VPS4A: variants seen among roughly 807,000 people sequenced by gnomAD.
The protein encoded by VPS4A is vacuolar protein sorting 4 homolog A.
Under a neutral mutation model 52.3 loss-of-function variants are expected in VPS4A, and 20 were observed. The ratio of observed to expected loss-of-function variants is 0.38; its 90% CI spans 0.27 to 0.56. VPS4A has a LOEUF of 0.56. VPS4A is among the 20% of genes least tolerant of loss of function. VPS4A has a pLI of 0.72. For synonymous variants in VPS4A, 293 were observed against 227.7 expected (o/e 1.29, Z -2.58); for missense variants, 419 against 575.9 (o/e 0.73, Z 2.79).
Position 69,320,660 on chromosome 16 carries a change from C to T in VPS4A, c.770-28C>T. 1 of 1,574,556 alleles carries T rather than the reference C, an allele frequency of 6.4e-7. No homozygotes were observed. The highest frequency in any genetic ancestry group is 8.6e-7 in the Non-Finnish European group (1 of 1,158,776). ...ACTGACCCGTGCAGGTGTCCAGAGT[C>T]TGAGTCTTTGTCTCCCTTTCTCCAC... On this transcript the variant is annotated intron_variant, in intron 7 of 10. Transcript: ENST00000254950. The surrounding 1 kb of genome is among the most constrained non-coding windows in gnomAD (Gnocchi z 4.2).
rs1471116892 is a variant in VPS4A, at chr16:69,324,468, C to T, written c.*159C>T. 1.3e-6 allele frequency: 1 copy of T among 741,702 alleles called. No homozygotes were observed. The highest frequency in any genetic ancestry group is 2.2e-6 in the Non-Finnish European group (1 of 445,774). 45.9% of individuals were successfully genotyped at this position (741,702 alleles called of 1,614,324 possible). On this transcript the variant is annotated 3_prime_UTR_variant, in exon 11 of 11. Transcript: ENST00000254950. ...TCTGCCAGGGAGCCAGAAGGAAGGGCCTTGCAGCCACAGAGACACTCCACT... is the reference window on the plus strand; with the variant it reads ...TCTGCCAGGGAGCCAGAAGGAAGGGTCTTGCAGCCACAGAGACACTCCACT...
At position 69,324,360 on chromosome 16, in the gene VPS4A, T is replaced by G. The variant is rs868855113; in HGVS notation, c.*51T>G. 12 of 1,556,698 alleles carry G rather than the reference T, an allele frequency of 7.7e-6. No homozygotes were observed. The highest frequency in any genetic ancestry group is 3.4e-4 in the Middle Eastern group (2 of 5,944). ...AAGGTGGGAGGTTGATTGGGGCAAATCCAGGCACTCCCCATGTCAACAGCC... is the reference window on the plus strand; with the variant it reads ...AAGGTGGGAGGTTGATTGGGGCAAAGCCAGGCACTCCCCATGTCAACAGCC... On this transcript the variant is annotated 3_prime_UTR_variant, in exon 11 of 11. Transcript: ENST00000254950.
At chr16:69,323,679 G>A (rs904263167) in intron 10 of VPS4A, 16 of 455,212 alleles carry the variant, frequency 3.5e-5, no homozygotes, top group African/African-American at 8.0e-5. Context: ...GCCGGGCGCC[G>A]TGGCTCCCGC....
In VPS4A at chr16:69,320,043, C is replaced by A; in HGVS notation, c.621-98C>A. On this transcript the variant is annotated intron_variant, in intron 6 of 10. Transcript: ENST00000254950. This position sits in a 1 kb window ranked among gnomAD's most constrained non-coding sequence, Gnocchi z 4.2. ...GCAATTCCGGCATGACCGTGGCCTG[C>A]GCCTCCCTGTGGGAAGGGTGAGAAG... is the stretch of plus-strand genomic sequence containing the variant. 2.1e-6 allele frequency: 3 copies of A among 1,458,728 alleles called. No homozygotes were observed. The highest frequency in any genetic ancestry group is 2.8e-6 in the Non-Finnish European group (3 of 1,085,842). 90.4% of individuals were successfully genotyped at this position (1,458,728 alleles called of 1,614,324 possible). A position where few individuals can be genotyped will look rare whatever the true frequency, so the allele number is the denominator to read the frequency against.
Position 69,311,491 on chromosome 16 carries a change from G to T in VPS4A, c.-21G>T. On this transcript the variant is annotated 5_prime_UTR_variant, in exon 1 of 11. Coordinates refer to ENST00000254950, the MANE Select transcript of VPS4A (RefSeq NM_013245.3). ...GGCCGCAAGCAGCGCCGCGGGGTGTGGGGCGGACCCAGGAGATGAAATGAC... is the reference window on the plus strand; with the variant it reads ...GGCCGCAAGCAGCGCCGCGGGGTGTTGGGCGGACCCAGGAGATGAAATGAC... The T allele has an allele frequency of 7.4e-7, 1 of 1,343,428 alleles. No homozygotes were observed. The highest frequency in any genetic ancestry group is 9.7e-7 in the Non-Finnish European group (1 of 1,034,200). 83.2% of individuals were successfully genotyped at this position (1,343,428 alleles called of 1,614,324 possible). A position where few individuals can be genotyped will look rare whatever the true frequency, so the allele number is the denominator to read the frequency against.
At chr16:69,318,988 T>C in intron 5 of VPS4A, 46 bp downstream of exon 5, 2 of 1,596,762 alleles carry the variant, frequency 1.3e-6, no homozygotes, top group Non-Finnish European at 1.7e-6. Flanking sequence ...ATTCCAGGCT[T>C]CCGCAGGGCT....
intron 10 of VPS4A, among the ~76,000 whole-genome samples, 192 bp from the exon 11 acceptor site, chr16:69,324,016 G>C (rs1165248753): frequency 1.3e-5 from 2 of 151,272 alleles, no homozygotes; most frequent in African/African-American, 4.9e-5. Context: ...TAGATTCTCA[G>C]ACCAGGAGGA....
intron 1 of VPS4A, among the ~76,000 whole-genome samples, chr16:69,315,633 G>T (rs1332923668): frequency 6.6e-6 from 1 of 152,146 alleles, no homozygotes; most frequent in Non-Finnish European, 1.5e-5. Context: ...GCAGTCACTT[G>T]CTCCCGCGTG....
chr16:69,318,023 T>TCC (rs1390859458), intron 3 of VPS4A, among the ~76,000 whole-genome samples: 2 of 94,890 alleles, frequency 2.1e-5, no homozygotes, highest in African/African-American at 4.3e-5. Flanking sequence ...TTTTTTTTTT[T>TCC]CCCCCAGACA....
chr16:69,320,672 C>G lies in VPS4A; in HGVS notation c.770-16C>G. ...AGGTGTCCAGAGTCTGAGTCTTTGT[C>G]TCCCTTTCTCCACAGGGGTGGGGAA... On this transcript the variant is annotated splice_polypyrimidine_tract_variant and intron_variant, in intron 7 of 10. Transcript: ENST00000254950. The surrounding 1 kb of genome is among the most constrained non-coding windows in gnomAD (Gnocchi z 4.2). 6.3e-6 allele frequency: 10 copies of G among 1,588,962 alleles called. No individual in the cohort carries two copies. Among genetic ancestry groups the G allele is most frequent in the Non-Finnish European group, 8.6e-6 (10 of 1,167,340 alleles).
At chr16:69,319,667 G>T in intron 6 of VPS4A, 124 bp downstream of exon 6, 1 of 1,294,724 alleles carries the variant, frequency 7.7e-7, no homozygotes. Flanking sequence ...CCCAAGAGCA[G>T]TGTGTCGCTA....
chr16:69,311,975 A>G (rs1460993339), intron 1 of VPS4A, among the ~76,000 whole-genome samples: 1 of 151,956 alleles, frequency 6.6e-6, no homozygotes, highest in East Asian at 1.9e-4. Flanking sequence ...CCCTTCCCCA[A>G]TCTTCGACTT....
intron 3 of VPS4A, 101 bp downstream of exon 3, chr16:69,316,473 C>G: frequency 6.7e-7 from 1 of 1,494,222 alleles, no homozygotes; most frequent in Non-Finnish European, 9.1e-7. Flanking sequence ...GGGAATGGTC[C>G]TCATAGTGCA....
At chr16:69,319,080 C>A in intron 5 of VPS4A, 138 bp downstream of exon 5, 1 of 1,293,758 alleles carries the variant, frequency 7.7e-7, no homozygotes, top group South Asian at 1.4e-5. Context: ...TCGCTGGTGT[C>A]CACAACACTG....
intron 3 of VPS4A, among the ~76,000 whole-genome samples, chr16:69,317,147 G>A (rs779640462): frequency 6.6e-6 from 1 of 152,196 alleles, no homozygotes; most frequent in Non-Finnish European, 1.5e-5. Context: ...CAGAGGGAGA[G>A]GTCTGGCGAG....
chr16:69,312,151 C>T (rs1965384999), intron 1 of VPS4A, among the ~76,000 whole-genome samples: 1 of 151,956 alleles, frequency 6.6e-6, no homozygotes, highest in Admixed American at 6.6e-5. Flanking sequence ...TGAATCTCAG[C>T]TCTGCCACTC....
chr16:69,318,213 TCCTCCCGCCTCAG>T (rs1261687904), intron 3 of VPS4A, among the ~76,000 whole-genome samples: 1 of 152,080 alleles, frequency 6.6e-6, no homozygotes, highest in East Asian at 1.9e-4. Flanking sequence ...GCTCAAGCGA[TCCTCCCGCCTCAG>T]CCTCCCAGAG....
chr16:69,326,918 T>C lies in VPS4A; in HGVS notation c.*2609T>C, dbSNP rs539460151. 6.6e-6 allele frequency: 1 copy of C among 152,250 alleles called. No homozygotes were observed. Among genetic ancestry groups the C allele is most frequent in the South Asian group, 2.1e-4 (1 of 4,826 alleles). 9.4% of individuals were successfully genotyped at this position (152,250 alleles called of 1,614,324 possible). On this transcript the variant is annotated 3_prime_UTR_variant, in exon 11 of 11. Coordinates refer to ENST00000254950, the MANE Select transcript of VPS4A (RefSeq NM_013245.3). ...GGGAGAGATTTTACTGGAAATGCAATAAAGTTTGCATTTTATTGCTACCGA... is the reference window on the plus strand; with the variant it reads ...GGGAGAGATTTTACTGGAAATGCAACAAAGTTTGCATTTTATTGCTACCGA...
At position 69,320,530 on chromosome 16, in the gene VPS4A, C is replaced by A; in HGVS notation, c.770-158C>A. ...TAGGTCTCACCTGGCACAGCCAGAC[C>A]AAGATGTGGTTTAATCTCACTTGGG... On this transcript the variant is annotated intron_variant, in intron 7 of 10. Coordinates refer to ENST00000254950, the MANE Select transcript of VPS4A (RefSeq NM_013245.3). This position sits in a 1 kb window ranked among gnomAD's most constrained non-coding sequence, Gnocchi z 4.2. 3 of 815,378 alleles carry A rather than the reference C, an allele frequency of 3.7e-6. No homozygotes were observed. Among genetic ancestry groups the A allele is most frequent in the Non-Finnish European group, 5.8e-6 (3 of 519,544 alleles). The allele number at this position is 815,378 out of a possible 1,614,324, so 50.5% of individuals were successfully genotyped here. A position where few individuals can be genotyped will look rare whatever the true frequency, so the allele number is the denominator to read the frequency against.
Sources: allele counts gnomAD v4.1 joint callset (sites outside exome capture counted in the v4.1 genomes callset), GRCh38; gene constraint gnomAD v4.1.1; non-coding constraint Gnocchi (gnomAD v3.1); transcripts MANE v1.5; gene names NCBI Gene and HGNC (gene_info 2026-07-23, HGNC 2026-07-21).